The following KCNQ1OT1 variants were observed in gnomAD, a reference collection of about 807,000 sequenced individuals.
KCNQ1OT1 encodes the protein KCNQ1 antisense RNA 2 (non-protein coding).
chr11:2,656,083 C>T, exon 1 of KCNQ1OT1: 1 of 398,644 alleles, frequency 2.5e-6, no homozygotes, highest in Non-Finnish European at 4.4e-6. Context: ...GGGCACTTGT[C>T]ATCATGGGTG....
exon 1 of KCNQ1OT1, chr11:2,610,035 TATA>T (rs1848953453): frequency 2.5e-6 from 1 of 397,878 alleles, no homozygotes; most frequent in Non-Finnish European, 4.4e-6. Flanking sequence ...TAATTAGATT[TATA>T]TCCACAGTTT....
exon 1 of KCNQ1OT1, chr11:2,609,706 G>A (rs1044388342): frequency 1.1e-4 from 43 of 398,104 alleles, no homozygotes; most frequent in Non-Finnish European, 4.4e-5. Context: ...GTTCTCTATT[G>A]TTAGGTGAAT....
rs192799747 is a variant in KCNQ1OT1 at position 2,618,639 on chromosome 11, G to A, written n.81356C>T. On this transcript the variant is annotated non_coding_transcript_exon_variant, in exon 1 of 1. Transcript: ENST00000597346. ...ACCAGAAAGTATGAAGTCTCCCTTT[G>A]TTTTTCAGAACAGAATTTTCAGAAT... 1.0e-3 allele frequency: 409 copies of A among 398,506 alleles called. No homozygotes were observed. Among genetic ancestry groups the A allele is most frequent in the Non-Finnish European group, 1.3e-3 (294 of 226,026 alleles). 24.7% of individuals were successfully genotyped at this position (398,506 alleles called of 1,614,324 possible).
exon 1 of KCNQ1OT1, chr11:2,646,170 T>A (rs1849662596): frequency 5.0e-6 from 2 of 398,534 alleles, no homozygotes; most frequent in South Asian, 1.3e-4. Flanking sequence ...GCGATCTATA[T>A]AAACTGTGGT....
chr11:2,621,867 C>T lies in KCNQ1OT1; in HGVS notation n.78128G>A, dbSNP rs1195167142. On this transcript the variant is annotated non_coding_transcript_exon_variant, in exon 1 of 1. Transcript: ENST00000597346. The surrounding 1 kb of genome is among the most constrained non-coding windows in gnomAD (Gnocchi z 5.7). ...CTTTTTTCCCCTATGGTTTTTCTTT[C>T]TAACTTGTCTCTGTTCTGATCTTTA... 5.0e-6 allele frequency: 2 copies of T among 398,010 alleles called. No homozygotes were observed. The highest frequency in any genetic ancestry group is 4.1e-5 in the African/African-American group (2 of 48,556). The allele number at this position is 398,010 out of a possible 1,614,324, so 24.7% of individuals were successfully genotyped here.
Position 2,695,683 on chromosome 11 carries a change from CTCTT to C in KCNQ1OT1, n.4308_4311del. 1 of 398,632 alleles carries C rather than the reference CTCTT, an allele frequency of 2.5e-6. No individual in the cohort carries two copies. Among genetic ancestry groups the C allele is most frequent in the Non-Finnish European group, 4.4e-6 (1 of 226,074 alleles). 24.7% of individuals were successfully genotyped at this position (398,632 alleles called of 1,614,324 possible). A position where few individuals can be genotyped will look rare whatever the true frequency, so the allele number is the denominator to read the frequency against. On this transcript the variant is annotated non_coding_transcript_exon_variant, in exon 1 of 1. Coordinates refer to ENST00000597346, the Ensembl canonical transcript of KCNQ1OT1. This position sits in a 1 kb window ranked among gnomAD's most constrained non-coding sequence, Gnocchi z 5.2. ...TATTTGAGGAAGAAGTGTTGGCCAG[CTCTT>C]CAGAACGTCTGTGCCTGTCTCCGTC...
exon 1 of KCNQ1OT1, chr11:2,649,776 C>A: frequency 2.5e-6 from 1 of 398,204 alleles, no homozygotes; most frequent in South Asian, 1.3e-4. Context: ...TCAGAGAGGC[C>A]CTTTTAGGGT....
chr11:2,699,508 GCCCCCAGGAGAGTGCC>G (rs1850739388), exon 1 of KCNQ1OT1: 1 of 178,116 alleles, frequency 5.6e-6, no homozygotes, highest in East Asian at 7.6e-4. Context: ...GCGCTGAGGA[GCCCCCAGGAGAGTGCC>G]GCGCTGAGGA....
exon 1 of KCNQ1OT1, chr11:2,628,446 T>C (rs140211482): frequency 2.5e-6 from 1 of 398,514 alleles, no homozygotes; most frequent in African/African-American, 2.1e-5. Flanking sequence ...TTTGAATAAA[T>C]GTCTATTCAG....
In KCNQ1OT1 at chr11:2,660,498, T is replaced by C. The variant is rs1278463874; in HGVS notation, n.39497A>G. 22 of 398,506 alleles carry C rather than the reference T, an allele frequency of 5.5e-5. No individual in the cohort carries two copies. The Admixed American group carries it at 9.7e-4, about 18-fold the overall frequency. The allele number at this position is 398,506 out of a possible 1,614,324, so 24.7% of individuals were successfully genotyped here. A position where few individuals can be genotyped will look rare whatever the true frequency, so the allele number is the denominator to read the frequency against. On this transcript the variant is annotated non_coding_transcript_exon_variant, in exon 1 of 1. Coordinates refer to ENST00000597346, the Ensembl canonical transcript of KCNQ1OT1. ...GACTGGGGAAGCTATCTATGCCTCA[T>C]ATAACAAGGAGTTAATGTCTGTAAT...
chr11:2,671,382 C>G lies in KCNQ1OT1; in HGVS notation n.28613G>C, dbSNP rs942461511. Reference sequence around the variant, plus strand: ...ATATCCTGAAAAAGGTACAGGAACACCTGGCATGCCTCTCCCAGGGTACTC... The same window carrying G: ...ATATCCTGAAAAAGGTACAGGAACAGCTGGCATGCCTCTCCCAGGGTACTC... On this transcript the variant is annotated non_coding_transcript_exon_variant, in exon 1 of 1. Coordinates refer to ENST00000597346, the Ensembl canonical transcript of KCNQ1OT1. The surrounding 1 kb of genome is among the most constrained non-coding windows in gnomAD (Gnocchi z 4.7). The G allele has an allele frequency of 2.3e-5, 9 of 398,460 alleles. No individual in the cohort carries two copies. The highest frequency in any genetic ancestry group is 4.0e-5 in the Non-Finnish European group (9 of 226,080). The allele number at this position is 398,460 out of a possible 1,614,324, so 24.7% of individuals were successfully genotyped here.
Position 2,665,425 on chromosome 11 carries a change from C to T in KCNQ1OT1, n.34570G>A, listed in dbSNP as rs113437527. The T allele has an allele frequency of 1.7e-4, 67 of 397,742 alleles. 1 individual carries two copies. Among genetic ancestry groups the T allele is most frequent in the African/African-American group, 1.2e-3 (56 of 48,330 alleles). The allele number at this position is 397,742 out of a possible 1,614,324, so 24.6% of individuals were successfully genotyped here. ...TGAGTTCCTGGGATTCTGACCCACTCACTATCCTCTGCTCACCAAGGGTCA... is the reference window on the plus strand; with the variant it reads ...TGAGTTCCTGGGATTCTGACCCACTTACTATCCTCTGCTCACCAAGGGTCA... On this transcript the variant is annotated non_coding_transcript_exon_variant, in exon 1 of 1. Coordinates refer to ENST00000597346, the Ensembl canonical transcript of KCNQ1OT1.
chr11:2,643,218 A>AT (rs1181528228), exon 1 of KCNQ1OT1: 1 of 398,208 alleles, frequency 2.5e-6, no homozygotes, highest in Non-Finnish European at 4.4e-6. Context: ...TTCTTTGTTA[A>AT]TTTTTTGTCT....
rs1247205636 is a variant in KCNQ1OT1 at position 2,682,504 on chromosome 11, G to GAGTGAGTGAGTA, written n.17490_17491insTACTCACTCACT. On this transcript the variant is annotated non_coding_transcript_exon_variant, in exon 1 of 1. Coordinates refer to ENST00000597346, the Ensembl canonical transcript of KCNQ1OT1. This position sits in a 1 kb window ranked among gnomAD's most constrained non-coding sequence, Gnocchi z 5.8. ...TGAGTGAGTGAGTGAGTGAGTGAGT[G>GAGTGAGTGAGTA]AGTACTTGTGCCCAGGTCAAACCAG... 1 of 398,204 alleles carries GAGTGAGTGAGTA rather than the reference G, an allele frequency of 2.5e-6. No homozygotes were observed. Among genetic ancestry groups the GAGTGAGTGAGTA allele is most frequent in the Admixed American group, 4.4e-5 (1 of 22,684 alleles). The allele number at this position is 398,204 out of a possible 1,614,324, so 24.7% of individuals were successfully genotyped here. A position where few individuals can be genotyped will look rare whatever the true frequency, so the allele number is the denominator to read the frequency against.
In KCNQ1OT1 at chr11:2,642,768, T is replaced by A. The variant is rs1030639057; in HGVS notation, n.57227A>T. 4 of 397,684 alleles carry A rather than the reference T, an allele frequency of 1.0e-5. No individual in the cohort carries two copies. The highest frequency in any genetic ancestry group is 8.2e-5 in the African/African-American group (4 of 48,582). 24.6% of individuals were successfully genotyped at this position (397,684 alleles called of 1,614,324 possible). A position where few individuals can be genotyped will look rare whatever the true frequency, so the allele number is the denominator to read the frequency against. On this transcript the variant is annotated non_coding_transcript_exon_variant, in exon 1 of 1. Transcript: ENST00000597346. The surrounding 1 kb of genome is among the most constrained non-coding windows in gnomAD (Gnocchi z 4.3). ...AGGTGTATCATTAGATTATTTAAGA[T>A]CTTTTCTACCTTTTTTAATGGAGGC...
chr11:2,649,198 A>T (rs763193619), exon 1 of KCNQ1OT1: 3 of 397,820 alleles, frequency 7.5e-6, no homozygotes, highest in Non-Finnish European at 1.3e-5. Flanking sequence ...GGGAAATTTA[A>T]ATTACCTACA....
At chr11:2,633,177 T>C (rs1849391425) in exon 1 of KCNQ1OT1, 1 of 398,564 alleles carries the variant, frequency 2.5e-6, no homozygotes, top group Non-Finnish European at 4.4e-6. Flanking sequence ...TGTTGAGCAT[T>C]TTTTCACATA....
exon 1 of KCNQ1OT1, chr11:2,665,372 G>A (rs185506979): frequency 4.5e-5 from 18 of 398,142 alleles, no homozygotes; most frequent in Admixed American, 8.8e-5. Context: ...CCCATGACAA[G>A]AGGAGCCCTG....
In KCNQ1OT1 at chr11:2,686,323, G is replaced by A. The variant is rs781643366; in HGVS notation, n.13672C>T. 2.0e-5 allele frequency: 8 copies of A among 398,700 alleles called. No individual in the cohort carries two copies. The East Asian group carries it at 2.1e-4, about 11-fold the overall frequency. 24.7% of individuals were successfully genotyped at this position (398,700 alleles called of 1,614,324 possible). Reference sequence around the variant, plus strand: ...AGACCACACTAGTGTCACCTGGCCCGTCCCACCTGTTCCAAGCTGGGGGAG... The same window carrying A: ...AGACCACACTAGTGTCACCTGGCCCATCCCACCTGTTCCAAGCTGGGGGAG... On this transcript the variant is annotated non_coding_transcript_exon_variant, in exon 1 of 1. Coordinates refer to ENST00000597346, the Ensembl canonical transcript of KCNQ1OT1.
Sources: gnomAD v4.1 joint callset for allele counts on GRCh38, gnomAD v4.1.1 for gene constraint, Gnocchi (gnomAD v3.1) non-coding constraint, MANE v1.5 for transcripts, NCBI Gene and HGNC (gene_info 2026-07-23, HGNC 2026-07-21) for gene names.